Variants in CPNE4 observed in about 807,000 individuals in gnomAD.
The protein encoded by CPNE4 is copine 4.
CPNE4 carries 25 observed loss-of-function variants against 67.9 expected under a neutral mutation model. The ratio of observed to expected loss-of-function variants is 0.37; its 90% CI spans 0.27 to 0.51. The LOEUF (loss-of-function observed/expected upper bound fraction) is 0.51, where lower values mean the gene tolerates loss of function less well. CPNE4 is among the 20% of genes least tolerant of loss of function. The probability of loss-of-function intolerance (pLI) is 0.93; values close to 1 mark genes in which losing one functional copy is unlikely to be tolerated. For missense variants in CPNE4, 464 were observed against 690.8 expected (o/e 0.67, Z 3.68); for synonymous variants, 242 against 244.9 (o/e 0.99, Z 0.11).
intron 2 of CPNE4, among the ~76,000 whole-genome samples, chr3:131,883,129 G>C (rs1309189832): frequency 2.6e-5 from 4 of 152,120 alleles, no homozygotes; most frequent in African/African-American, 7.2e-5. Context: ...ATAAATAATA[G>C]AGCTGGAACT....
At chr3:131,640,506 T>G (rs1196739970) in intron 7 of CPNE4, among the ~76,000 whole-genome samples, 1 of 151,892 alleles carries the variant, frequency 6.6e-6, no homozygotes, top group East Asian at 1.9e-4. Context: ...ACTGCTGAAA[T>G]AAACCATAGA....
At chr3:131,676,504 G>T (rs147254374) in intron 6 of CPNE4, among the ~76,000 whole-genome samples, 76 of 152,220 alleles carry the variant, frequency 5.0e-4, no homozygotes, top group African/African-American at 1.7e-3. Flanking sequence ...GTATCCAATA[G>T]TTATTTTTCC....
chr3:131,978,061 A>G lies in CPNE4; in HGVS notation c.-2+56506T>C, dbSNP rs111983742. Among the ~76,000 whole-genome samples, 99 of 32,464 alleles carry G rather than the reference A, an allele frequency of 3.0e-3. 1 individual carries two copies. Among genetic ancestry groups the G allele is most frequent in the South Asian group, 0.013 (18 of 1,358 alleles). 21.3% of individuals were successfully genotyped at this position (32,464 alleles called of 152,430 possible). Reference sequence around the variant, plus strand: ...TATTCCATCATAGATATATATAAATATATATAAATATATATAAATATATAT... The same window carrying G: ...TATTCCATCATAGATATATATAAATGTATATAAATATATATAAATATATAT... On this transcript the variant is annotated intron_variant, in intron 1 of 15. Transcript: ENST00000429747.
chr3:132,027,898 A>G (rs2074149795), intron 1 of CPNE4, among the ~76,000 whole-genome samples: 1 of 152,204 alleles, frequency 6.6e-6, no homozygotes, highest in Non-Finnish European at 1.5e-5. Context: ...GGATATTTGT[A>G]TGAAATACAC....
chr3:131,576,994 G>C (rs1937566040), intron 9 of CPNE4, among the ~76,000 whole-genome samples: 1 of 151,948 alleles, frequency 6.6e-6, no homozygotes, highest in Non-Finnish European at 1.5e-5. Context: ...GTTGTTTGCT[G>C]TCTATAGGAA....
intron 2 of CPNE4, among the ~76,000 whole-genome samples, chr3:131,726,414 C>T (rs999355215): frequency 9.2e-5 from 14 of 152,040 alleles, no homozygotes; most frequent in African/African-American, 2.7e-4. Flanking sequence ...GCAAGACAGA[C>T]GATTTCCAAG....
At chr3:131,975,509 T>C (rs2072625144) in intron 1 of CPNE4, among the ~76,000 whole-genome samples, 1 of 152,210 alleles carries the variant, frequency 6.6e-6, no homozygotes, top group Non-Finnish European at 1.5e-5. Context: ...TGACAAGCCC[T>C]GAGTGCAGCT....
intron 2 of CPNE4, among the ~76,000 whole-genome samples, chr3:131,781,092 C>CA (rs141148117): frequency 0.042 from 6,241 of 148,812 alleles, 141 homozygotes; most frequent in African/African-American, 0.057. Context: ...GTGGCTGTGA[C>CA]AAAAAAAAAA....
chr3:132,028,534 A>G (rs983071201), intron 1 of CPNE4, among the ~76,000 whole-genome samples: 3 of 152,172 alleles, frequency 2.0e-5, no homozygotes, highest in South Asian at 2.1e-4. Context: ...GGGGGAAGGG[A>G]TAAGAGATGG....
intron 2 of CPNE4, among the ~76,000 whole-genome samples, chr3:131,748,741 T>G (rs1024952462): frequency 1.3e-5 from 2 of 152,120 alleles, no homozygotes; most frequent in African/African-American, 2.4e-5. Flanking sequence ...ATTGTCAAAT[T>G]TATGTGTGCA....
intron 2 of CPNE4, among the ~76,000 whole-genome samples, chr3:131,780,133 T>G (rs183462535): frequency 6.6e-6 from 1 of 151,966 alleles, no homozygotes; most frequent in African/African-American, 2.4e-5. Flanking sequence ...CAATGAGATA[T>G]CATCTCACAT....
chr3:131,832,228 T>C (rs192968285), intron 2 of CPNE4, among the ~76,000 whole-genome samples: 1 of 152,354 alleles, frequency 6.6e-6, no homozygotes, highest in African/African-American at 2.4e-5. Flanking sequence ...TATGTTGAAA[T>C]CCTAATCCTT....
intron 1 of CPNE4, among the ~76,000 whole-genome samples, chr3:131,905,654 T>G (rs1262317631): frequency 6.6e-6 from 1 of 152,158 alleles, no homozygotes; most frequent in Non-Finnish European, 1.5e-5. Context: ...CTGCTGCACT[T>G]GGTTAAGAAC....
chr3:131,712,782 C>T (rs550998918), intron 3 of CPNE4, among the ~76,000 whole-genome samples: 8 of 152,230 alleles, frequency 5.3e-5, no homozygotes, highest in South Asian at 2.1e-4. Flanking sequence ...TGCTGACAAT[C>T]GAGAAGGTGC....
At chr3:131,923,337 G>C (rs1056106865) in intron 1 of CPNE4, among the ~76,000 whole-genome samples, 6 of 152,146 alleles carry the variant, frequency 3.9e-5, no homozygotes, top group African/African-American at 1.4e-4. Flanking sequence ...GCACTGTGCA[G>C]AGAGATCTCA....
At chr3:131,774,943 T>C (rs1482613681) in intron 2 of CPNE4, among the ~76,000 whole-genome samples, 1 of 152,156 alleles carries the variant, frequency 6.6e-6, no homozygotes, top group Non-Finnish European at 1.5e-5. Context: ...AATCTTGGCC[T>C]AACATTTGCC....
intron 2 of CPNE4, among the ~76,000 whole-genome samples, chr3:131,747,871 A>T (rs531628254): frequency 5.2e-4 from 79 of 152,206 alleles, no homozygotes; most frequent in Middle Eastern, 3.4e-3. Flanking sequence ...TTCTGGCTAG[A>T]TACTCTAGCA....
intron 1 of CPNE4, among the ~76,000 whole-genome samples, chr3:131,997,113 T>TATAGTC (rs1444358312): frequency 1.3e-5 from 2 of 152,168 alleles, no homozygotes; most frequent in African/African-American, 4.8e-5. Flanking sequence ...TGATATAACC[T>TATAGTC]ATAGTCATAT....
chr3:132,019,427 G>C (rs1288827681), intron 1 of CPNE4, among the ~76,000 whole-genome samples: 2 of 152,120 alleles, frequency 1.3e-5, no homozygotes, highest in Non-Finnish European at 2.9e-5. Flanking sequence ...AAATCAATTT[G>C]ATTCAAATTA....
Sources: gnomAD v4.1 joint callset for allele counts (sites outside exome capture counted in the v4.1 genomes callset) on GRCh38, gnomAD v4.1.1 for gene constraint, MANE v1.5 for transcripts, NCBI Gene and HGNC (gene_info 2026-07-23, HGNC 2026-07-21) for gene names.